Variants in FOXN3 observed in about 807,000 individuals in gnomAD.
The protein encoded by FOXN3 is forkhead box N3, also known as forkhead box protein N3.
In FOXN3, 7 loss-of-function variants were observed where a neutral mutation model predicts 38.4. That is an observed-to-expected ratio of 0.18 (90% CI 0.10 to 0.34). The LOEUF (loss-of-function observed/expected upper bound fraction) is 0.34. Among genes scored for constraint, FOXN3 ranks in the 10% least tolerant of loss-of-function variants. The pLI is 1.00. For synonymous variants in FOXN3, 230 were observed against 242.2 expected, an observed-to-expected ratio of 0.95 and a Z score of 0.47; for missense variants, 456 against 613.4, an observed-to-expected ratio of 0.74 and a Z score of 2.71.
At chr14:89,247,944 C>A (rs1479195024) in intron 4 of FOXN3, among the ~76,000 whole-genome samples, 7 of 152,224 alleles carry the variant, frequency 4.6e-5, no homozygotes, top group African/African-American at 1.7e-4. Context: ...TTCCTACCAT[C>A]TTTGCACCTG....
At chr14:89,594,979 C>CTGACTCTA (rs1566712615) in intron 1 of FOXN3, among the ~76,000 whole-genome samples, 1 of 152,134 alleles carries the variant, frequency 6.6e-6, no homozygotes, top group East Asian at 1.9e-4. Context: ...TGGGATTACA[C>CTGACTCTA]TGACTCTATA....
intron 2 of FOXN3, among the ~76,000 whole-genome samples, chr14:89,391,670 G>T (rs1479012145): frequency 2.0e-5 from 3 of 152,232 alleles, no homozygotes; most frequent in Admixed American, 1.3e-4. Flanking sequence ...TGGTTGGTTG[G>T]TGCCACCGTG....
intron 1 of FOXN3, among the ~76,000 whole-genome samples, chr14:89,470,909 C>A (rs1365231841): frequency 6.6e-6 from 1 of 152,148 alleles, no homozygotes; most frequent in African/African-American, 2.4e-5. Context: ...TAAGTAGAGA[C>A]CAATGTCCAA....
chr14:89,608,528 T>C (rs1223301130), intron 1 of FOXN3, among the ~76,000 whole-genome samples: 3 of 152,254 alleles, frequency 2.0e-5, no homozygotes, highest in African/African-American at 7.2e-5. Context: ...TATCTTACTG[T>C]AGGTCTTTGA....
intron 2 of FOXN3, among the ~76,000 whole-genome samples, chr14:89,363,988 AAT>A (rs1307024931): frequency 0.013 from 650 of 51,860 alleles, 19 homozygotes; most frequent in African/African-American, 0.055. Flanking sequence ...ATATATATAT[AAT>A]ATATATATAT....
upstream of FOXN3, among the ~76,000 whole-genome samples, chr14:89,420,301 C>T (rs1314081514): frequency 6.6e-6 from 1 of 152,194 alleles, no homozygotes. Context: ...ACGCGCATGG[C>T]CCCCCACCAC....
At chr14:89,472,085 GTC>G (rs553861999) in intron 1 of FOXN3, among the ~76,000 whole-genome samples, 3 of 152,104 alleles carry the variant, frequency 2.0e-5, no homozygotes, top group African/African-American at 7.2e-5. Flanking sequence ...GCAAAGCCCT[GTC>G]TCTACTAAAA....
At chr14:89,604,829 A>G (rs1285346124) in intron 1 of FOXN3, among the ~76,000 whole-genome samples, 2 of 152,246 alleles carry the variant, frequency 1.3e-5, no homozygotes, top group East Asian at 1.9e-4. Context: ...ACAAATGGCA[A>G]TGAGACTTAG....
intron 3 of FOXN3, among the ~76,000 whole-genome samples, chr14:89,343,410 T>C (rs1229125859): frequency 6.6e-6 from 1 of 152,034 alleles, no homozygotes; most frequent in East Asian, 1.9e-4. Context: ...ACTGATAACT[T>C]TGTTAATTTG....
At chr14:89,523,178 G>A (rs1894357347) in intron 1 of FOXN3, among the ~76,000 whole-genome samples, 1 of 152,144 alleles carries the variant, frequency 6.6e-6, no homozygotes, top group African/African-American at 2.4e-5. Flanking sequence ...AACCCTAAAT[G>A]TCTAGACACC....
chr14:89,520,777 G>A (rs574315158), intron 1 of FOXN3, among the ~76,000 whole-genome samples: 2 of 152,208 alleles, frequency 1.3e-5, no homozygotes, highest in South Asian at 2.1e-4. Flanking sequence ...AAAGAAATAA[G>A]AAAATAGAGC....
intron 3 of FOXN3, chr14:89,284,619 C>T (rs1379468118): frequency 8.8e-6 from 4 of 454,700 alleles, no homozygotes; most frequent in Non-Finnish European, 1.8e-5. Context: ...ATGTGAAAGA[C>T]ACGCGGGCTC....
At chr14:89,512,881 C>T (rs572555844) in intron 1 of FOXN3, among the ~76,000 whole-genome samples, 2 of 152,274 alleles carry the variant, frequency 1.3e-5, no homozygotes, top group African/African-American at 2.4e-5. Context: ...TGGCTCATGC[C>T]TGTAATCCCA....
intron 3 of FOXN3, among the ~76,000 whole-genome samples, chr14:89,317,979 A>G (rs182586433): frequency 6.6e-6 from 1 of 150,710 alleles, no homozygotes; most frequent in East Asian, 2.0e-4. Context: ...TCCCAAAACT[A>G]TGTCCCCTAC....
intron 4 of FOXN3, among the ~76,000 whole-genome samples, chr14:89,250,683 T>C (rs1255654506): frequency 2.0e-5 from 3 of 152,192 alleles, no homozygotes; most frequent in East Asian, 1.9e-4. Flanking sequence ...GTTCCCGATA[T>C]GGGTTGGCTG....
intron 1 of FOXN3, among the ~76,000 whole-genome samples, chr14:89,593,653 T>C (rs1391355566): frequency 6.6e-6 from 1 of 152,222 alleles, no homozygotes; most frequent in Non-Finnish European, 1.5e-5. Flanking sequence ...TTAAATATAA[T>C]TTTTTAAATG....
intron 4 of FOXN3, among the ~76,000 whole-genome samples, chr14:89,276,476 A>C (rs17798837): frequency 0.028 from 4,220 of 152,344 alleles, 78 homozygotes; most frequent in Non-Finnish European, 0.048. Flanking sequence ...GTCACTGGAA[A>C]GGTTTGTAAA....
chr14:89,389,815 G>A (rs1478373969), intron 2 of FOXN3, among the ~76,000 whole-genome samples: 1 of 152,124 alleles, frequency 6.6e-6, no homozygotes, highest in Non-Finnish European at 1.5e-5. Flanking sequence ...GGTCAGAGGT[G>A]ACTCCTGTCC....
intron 1 of FOXN3, among the ~76,000 whole-genome samples, chr14:89,512,276 T>G (rs557330722): frequency 6.6e-6 from 1 of 152,164 alleles, no homozygotes; most frequent in South Asian, 2.1e-4. Flanking sequence ...TGATAAAAGA[T>G]TAACAGTAGA....
Sources: gnomAD v4.1 joint callset for allele counts (sites outside exome capture counted in the v4.1 genomes callset) on GRCh38, gnomAD v4.1.1 for gene constraint, MANE v1.5 for transcripts, NCBI Gene and HGNC (gene_info 2026-07-23, HGNC 2026-07-21) for gene names.